DTNB: variants seen among roughly 807,000 people sequenced by gnomAD.
DTNB encodes dystrobrevin beta, also known as DTN-B.
DTNB carries 63 observed loss-of-function variants against 90.7 expected under a neutral mutation model. The observed-to-expected ratio is 0.69, with a 90% CI of 0.57 to 0.86. The LOEUF (loss-of-function observed/expected upper bound fraction) is 0.86. Among genes scored for constraint, DTNB ranks in the 40% least tolerant of loss-of-function variants. The pLI is 0.00. For synonymous variants in DTNB, 277 were observed against 286.7 expected (o/e 0.97, Z 0.34); for missense variants, 744 against 807.1 (o/e 0.92, Z 0.95).
intron 3 of DTNB, among the ~76,000 whole-genome samples, chr2:25,631,364 A>C (rs1559311908): frequency 1.3e-5 from 2 of 152,122 alleles, no homozygotes; most frequent in Non-Finnish European, 2.9e-5. Flanking sequence ...TGAAGCCAGG[A>C]GTTCATGACC....
At chr2:25,422,280 C>G (rs2049972437) in intron 15 of DTNB, among the ~76,000 whole-genome samples, 2 of 151,998 alleles carry the variant, frequency 1.3e-5, no homozygotes, top group Non-Finnish European at 2.9e-5. Context: ...GACATAGCCA[C>G]TGTAGTCATT....
At chr2:25,590,847 C>T (rs1347649589) in intron 6 of DTNB, among the ~76,000 whole-genome samples, 4 of 152,334 alleles carry the variant, frequency 2.6e-5, no homozygotes, top group Admixed American at 2.0e-4. Context: ...GGGGCTTCAC[C>T]GGGGACCCAC....
intron 5 of DTNB, among the ~76,000 whole-genome samples, chr2:25,600,462 TGAA>T (rs2065639192): frequency 6.6e-6 from 1 of 152,210 alleles, no homozygotes; most frequent in Non-Finnish European, 1.5e-5. Context: ...CGGGAAGAAG[TGAA>T]GTCTGTGAGG....
chr2:25,569,416 C>T (rs80258673), intron 8 of DTNB, among the ~76,000 whole-genome samples: 8,316 of 152,230 alleles, frequency 0.055, 335 homozygotes, highest in Non-Finnish European at 0.079. Flanking sequence ...AGTTACTGTC[C>T]ACTCTCTTAT....
At chr2:25,628,865 G>A (rs945768926) in intron 3 of DTNB, among the ~76,000 whole-genome samples, 2 of 152,138 alleles carry the variant, frequency 1.3e-5, no homozygotes, top group African/African-American at 4.8e-5. Context: ...ATGCTTTAGA[G>A]GCTACTCAGA....
intron 1 of DTNB, among the ~76,000 whole-genome samples, chr2:25,671,283 CTGTACACATTTT>C (rs2085835583): frequency 6.6e-6 from 1 of 152,188 alleles, no homozygotes; most frequent in Non-Finnish European, 1.5e-5. Context: ...GGGGGGACTA[CTGTACACATTTT>C]TCCAAAACTC....
intron 9 of DTNB, among the ~76,000 whole-genome samples, chr2:25,503,285 T>C (rs574146468): frequency 6.6e-6 from 1 of 151,666 alleles, no homozygotes; most frequent in Admixed American, 6.6e-5. Flanking sequence ...AAGCCAGAGT[T>C]TGAGACCACA....
chr2:25,642,944 G>A (rs1439352593), intron 2 of DTNB, among the ~76,000 whole-genome samples: 2 of 152,104 alleles, frequency 1.3e-5, no homozygotes, highest in East Asian at 1.9e-4. Flanking sequence ...GTAGAGACGG[G>A]GTTTCACCAT....
chr2:25,379,158 G>C, intron 20 of DTNB, 132 bp downstream of exon 20: 1 of 870,034 alleles, frequency 1.1e-6, no homozygotes, highest in Non-Finnish European at 1.6e-6. Flanking sequence ...GGAAGGGACA[G>C]TTGGGCTCTT....
At chr2:25,458,703 G>A (rs1218965995) in intron 10 of DTNB, among the ~76,000 whole-genome samples, 2 of 152,008 alleles carry the variant, frequency 1.3e-5, no homozygotes, top group Non-Finnish European at 2.9e-5. Flanking sequence ...GGAGTGCAGT[G>A]GTGCAATCTC....
intron 5 of DTNB, among the ~76,000 whole-genome samples, chr2:25,606,313 T>C (rs1413852024): frequency 6.6e-6 from 1 of 152,166 alleles, no homozygotes; most frequent in Non-Finnish European, 1.5e-5. Flanking sequence ...AAAGCTGGCA[T>C]CCAGTTTCCT....
At chr2:25,566,874 G>A (rs1559055410) in intron 8 of DTNB, among the ~76,000 whole-genome samples, 1 of 152,242 alleles carries the variant, frequency 6.6e-6, no homozygotes. Context: ...CTAAAGGGAA[G>A]TGAGCTGTGG....
rs901168373 is a variant in DTNB at position 25,474,159 on chromosome 2, T to A, written c.1079+8637A>T. On this transcript the variant is annotated intron_variant, in intron 10 of 20. Transcript: ENST00000406818. ...ATGCTTGAGTGGAAATGGAATCTAATCCCAACCCAGAAGCAGCTGAAAACT... is the reference window on the plus strand; with the variant it reads ...ATGCTTGAGTGGAAATGGAATCTAAACCCAACCCAGAAGCAGCTGAAAACT... Among the ~76,000 whole-genome samples, 18 of 152,182 alleles carry A rather than the reference T, an allele frequency of 1.2e-4. No homozygotes were observed. In the South Asian group the frequency reaches 1.4e-3, roughly 12 times the overall value.
chr2:25,419,385 G>T, intron 16 of DTNB, 130 bp downstream of exon 16: 2 of 1,399,400 alleles, frequency 1.4e-6, no homozygotes, highest in Non-Finnish European at 9.9e-7. Context: ...GGGGAGAACC[G>T]CTGGGGGTTT....
At chr2:25,515,512 C>T (rs978061047) in intron 9 of DTNB, among the ~76,000 whole-genome samples, 5 of 152,148 alleles carry the variant, frequency 3.3e-5, no homozygotes, top group African/African-American at 1.2e-4. Flanking sequence ...GGCAAGACAA[C>T]TCAATGGTGC....
chr2:25,608,362 T>C (rs1006722512), intron 4 of DTNB, among the ~76,000 whole-genome samples: 3 of 152,128 alleles, frequency 2.0e-5, no homozygotes, highest in African/African-American at 7.2e-5. Context: ...CGCTAGAAAA[T>C]TATCTGTGAA....
In DTNB at chr2:25,633,861, G is replaced by A. The variant is rs558707418; in HGVS notation, c.148+5153C>T. Among the ~76,000 whole-genome samples the A allele has an allele frequency of 9.2e-3, 1,380 of 150,670 alleles. 14 individuals are homozygous for A. The highest frequency in any genetic ancestry group is 0.031 in the African/African-American group (1,287 of 40,956). On this transcript the variant is annotated intron_variant, in intron 3 of 20. Transcript: ENST00000406818. ...ATGTGAGGAGCGCCTCTACCCGGCC[G>A]CGACCCCGTCTGGGAGGTGAGGAGC...
At chr2:25,641,564 A>G (rs2078309000) in intron 2 of DTNB, among the ~76,000 whole-genome samples, 1 of 152,130 alleles carries the variant, frequency 6.6e-6, no homozygotes. Flanking sequence ...ATGCCTGGCA[A>G]CTACTCCTTG....
At position 25,377,486 on chromosome 2, in the gene DTNB, G is replaced by C. The variant is rs746299781; in HGVS notation, c.*97C>G. 3 of 152,764 alleles carry C rather than the reference G, an allele frequency of 2.0e-5. No individual in the cohort carries two copies. The highest frequency in any genetic ancestry group is 2.9e-5 in the Non-Finnish European group (2 of 68,168). The allele number at this position is 152,764 out of a possible 1,614,324, so 9.5% of individuals were successfully genotyped here. A position where few individuals can be genotyped will look rare whatever the true frequency, so the allele number is the denominator to read the frequency against. On this transcript the variant is annotated 3_prime_UTR_variant, in exon 21 of 21. Transcript: ENST00000406818. ...AGGTGTGCGGTGGAAAGATGGAGAG[G>C]AATGTGCCTCTGGGGGAAGACCTTG...
Sources: gnomAD v4.1 joint callset for allele counts (sites outside exome capture counted in the v4.1 genomes callset) on GRCh38, gnomAD v4.1.1 for gene constraint, MANE v1.5 for transcripts, NCBI Gene and HGNC (gene_info 2026-07-23, HGNC 2026-07-21) for gene names.